The following ROR1 variants were observed in gnomAD, a reference collection of about 807,000 sequenced individuals.
ROR1 encodes the protein inactive tyrosine-protein kinase transmembrane receptor ROR1.
In ROR1, 19 loss-of-function variants were observed where a neutral mutation model predicts 78.8. The ratio of observed to expected loss-of-function variants is 0.24; its 90% CI spans 0.17 to 0.35. ROR1 has a LOEUF of 0.35. ROR1 is among the 10% of genes least tolerant of loss of function. ROR1 has a pLI of 1.00. For synonymous variants in ROR1, 386 were observed against 433.6 expected (o/e 0.89, Z 1.36); for missense variants, 917 against 1,177.8 (o/e 0.78, Z 3.24).
chr1:63,820,564 A>C (rs1469048767), intron 1 of ROR1, among the ~76,000 whole-genome samples: 2 of 152,164 alleles, frequency 1.3e-5, no homozygotes, highest in Non-Finnish European at 2.9e-5. Flanking sequence ...CCTTGCAGTC[A>C]TTTCTGCTAT....
intron 2 of ROR1, among the ~76,000 whole-genome samples, chr1:64,022,467 C>A (rs1646572713): frequency 6.6e-6 from 1 of 152,168 alleles, no homozygotes; most frequent in African/African-American, 2.4e-5. Flanking sequence ...GAGCTTTGGT[C>A]TTGCTATTCT....
intron 7 of ROR1, among the ~76,000 whole-genome samples, chr1:64,150,564 T>C (rs973033391): frequency 2.0e-5 from 3 of 152,238 alleles, no homozygotes; most frequent in Admixed American, 1.3e-4. Flanking sequence ...AGAAGACCTG[T>C]TGTAAGGCAA....
chr1:63,893,816 C>A (rs148856055), intron 1 of ROR1, among the ~76,000 whole-genome samples: 1 of 152,218 alleles, frequency 6.6e-6, no homozygotes, highest in African/African-American at 2.4e-5. Flanking sequence ...TTGGTAGATG[C>A]CTAAACTGCA....
chr1:64,014,713 C>CTATATATA (rs112423773), intron 2 of ROR1, among the ~76,000 whole-genome samples: 5 of 29,318 alleles, frequency 1.7e-4, no homozygotes, highest in African/African-American at 3.7e-4. Flanking sequence ...TGCTGACAGA[C>CTATATATA]TATATATATA....
At chr1:64,002,131 C>CT (rs34252630) in intron 1 of ROR1, among the ~76,000 whole-genome samples, 3,665 of 105,902 alleles carry the variant, frequency 0.035, 236 homozygotes, top group African/African-American at 0.11. Context: ...CCAGTTCAAC[C>CT]TTTTTTTTTT....
intron 1 of ROR1, among the ~76,000 whole-genome samples, chr1:64,003,612 T>C (rs192339536): frequency 1.3e-4 from 20 of 152,274 alleles, no homozygotes; most frequent in African/African-American, 4.3e-4. Flanking sequence ...GTCCCTAGTG[T>C]GGAGAGGCCC....
chr1:64,071,784 G>A (rs1647005980), intron 4 of ROR1, among the ~76,000 whole-genome samples: 1 of 152,110 alleles, frequency 6.6e-6, no homozygotes, highest in Non-Finnish European at 1.5e-5. Context: ...TATAATCTTG[G>A]TCTCTTAGAA....
Position 64,092,765 on chromosome 1 carries a change from A to T in ROR1, c.482+42049A>T, listed in dbSNP as rs145321400. Among the ~76,000 whole-genome samples the T allele has an allele frequency of 4.5e-3, 680 of 152,314 alleles. 5 individuals are homozygous for T. Among genetic ancestry groups the T allele is most frequent in the Non-Finnish European group, 7.1e-3 (481 of 68,028 alleles). The stretch of plus-strand genomic sequence containing the variant: ...TTATCTGTGTGTGATCTTCCTTTAC[A>T]GAAATAATGGAGCCTTTCTTTTCCT... On this transcript the variant is annotated intron_variant, in intron 4 of 8. Coordinates refer to ENST00000371079, the MANE Select transcript of ROR1 (RefSeq NM_005012.4).
At chr1:63,786,418 A>G (rs974660887) in intron 1 of ROR1, among the ~76,000 whole-genome samples, 2 of 150,394 alleles carry the variant, frequency 1.3e-5, no homozygotes, top group African/African-American at 4.9e-5. Flanking sequence ...GACTACAGGC[A>G]CCCGCCACCA....
chr1:63,932,462 T>C (rs1645761195), intron 1 of ROR1, among the ~76,000 whole-genome samples: 1 of 152,142 alleles, frequency 6.6e-6, no homozygotes, highest in Non-Finnish European at 1.5e-5. Flanking sequence ...TGTTGGGTGC[T>C]GTATGAGAAG....
chr1:64,031,339 A>T (rs866385749), intron 2 of ROR1, among the ~76,000 whole-genome samples: 11 of 152,244 alleles, frequency 7.2e-5, no homozygotes, highest in Non-Finnish European at 1.6e-4. Flanking sequence ...TAGAAGTCAG[A>T]TGGATGAGGT....
In ROR1 at chr1:64,051,787, G is replaced by A. The variant is rs558148740; in HGVS notation, c.482+1071G>A. On this transcript the variant is annotated intron_variant, in intron 4 of 8. Transcript: ENST00000371079. ...TACAAAAAAAAATCCTCAATACTCT[G>A]TAGACTTTTGAAATAAAATTTTTGT... Among the ~76,000 whole-genome samples the A allele has an allele frequency of 1.6e-4, 24 of 152,296 alleles. No homozygotes were observed. In the South Asian group the frequency reaches 4.8e-3, roughly 30 times the overall value.
intron 2 of ROR1, among the ~76,000 whole-genome samples, chr1:64,021,423 C>G (rs900400772): frequency 6.6e-6 from 1 of 152,194 alleles, no homozygotes; most frequent in Non-Finnish European, 1.5e-5. Context: ...TACAAAATTC[C>G]TGTCTCATGA....
chr1:63,799,643 G>GTTTTTTTTT (rs58126335), intron 1 of ROR1, among the ~76,000 whole-genome samples: 1 of 147,410 alleles, frequency 6.8e-6, no homozygotes, highest in Admixed American at 6.8e-5. Context: ...TTCCTCTCCT[G>GTTTTTTTTT]TTTTTTTTTT....
chr1:63,957,835 G>A (rs533799478), intron 1 of ROR1, among the ~76,000 whole-genome samples: 9 of 150,834 alleles, frequency 6.0e-5, no homozygotes, highest in South Asian at 4.2e-4. Context: ...TTCCGCCTCC[G>A]GGGTTCAAAT....
intron 4 of ROR1, among the ~76,000 whole-genome samples, chr1:64,078,396 G>A (rs933176121): frequency 4.6e-5 from 7 of 152,166 alleles, no homozygotes; most frequent in African/African-American, 1.7e-4. Context: ...AGGGCCTCGT[G>A]TGAGAATAGT....
chr1:64,126,800 G>A (rs145045688), intron 4 of ROR1, among the ~76,000 whole-genome samples: 33 of 152,222 alleles, frequency 2.2e-4, no homozygotes, highest in African/African-American at 7.2e-4. Flanking sequence ...CATTTTTCCT[G>A]GCCATATCTA....
intron 1 of ROR1, among the ~76,000 whole-genome samples, chr1:63,789,950 A>G (rs1224685664): frequency 6.6e-6 from 1 of 152,004 alleles, no homozygotes; most frequent in East Asian, 1.9e-4. Context: ...CTCATAGGGC[A>G]CCTATGCACA....
intron 1 of ROR1, among the ~76,000 whole-genome samples, chr1:63,810,490 G>A (rs1295741730): frequency 6.6e-6 from 1 of 152,186 alleles, no homozygotes; most frequent in Non-Finnish European, 1.5e-5. Context: ...GCAGGAGGGG[G>A]AAACACACAT....
Sources: allele counts gnomAD v4.1 joint callset (sites outside exome capture counted in the v4.1 genomes callset), GRCh38; gene constraint gnomAD v4.1.1; transcripts MANE v1.5; gene names NCBI Gene and HGNC (gene_info 2026-07-23, HGNC 2026-07-21).